Variants in AKR1C8 observed in about 807,000 individuals in gnomAD.
AKR1C8 encodes aldo-keto reductase family 1 member C8.
chr10:5,121,551 C>T, the AKR1C8 span, among the ~76,000 whole-genome samples: 1 of 151,998 alleles, frequency 6.6e-6, no homozygotes, highest in African/African-American at 2.4e-5. Flanking sequence ...AAGGTAATGC[C>T]ACATTAAGGA....
At chr10:5,123,348 A>C in the AKR1C8 span, 1 of 291,262 alleles carries the variant, frequency 3.4e-6, no homozygotes. Flanking sequence ...AGCTGGTAGC[A>C]CAGAGCAATC....
the AKR1C8 span, among the ~76,000 whole-genome samples, chr10:5,137,509 T>C: frequency 6.6e-6 from 1 of 152,134 alleles, no homozygotes; most frequent in Admixed American, 6.5e-5. Flanking sequence ...CACATGATTA[T>C]CTCAATAGAT....
chr10:5,175,036 T>A, the AKR1C8 span, among the ~76,000 whole-genome samples: 28 of 152,066 alleles, frequency 1.8e-4, no homozygotes, highest in Admixed American at 1.4e-3. Flanking sequence ...GTTACATATG[T>A]ATACATGTGC....
the AKR1C8 span, among the ~76,000 whole-genome samples, chr10:5,145,132 GT>G: frequency 6.6e-6 from 1 of 152,046 alleles, no homozygotes; most frequent in Admixed American, 6.6e-5. Context: ...AGATAATCAT[GT>G]GGTTTTTGTC....
At chr10:5,123,845 C>T in the AKR1C8 span, 4 of 1,597,432 alleles carry the variant, frequency 2.5e-6, no homozygotes, top group Non-Finnish European at 3.4e-6. Context: ...GATAGAAAAA[C>T]ATCAGATAAT....
chr10:5,184,640 CG>C, the AKR1C8 span, among the ~76,000 whole-genome samples: 2 of 152,006 alleles, frequency 1.3e-5, no homozygotes, highest in African/African-American at 4.8e-5. Flanking sequence ...ATTTTTAAAA[CG>C]TAACAAATTT....
the AKR1C8 span, among the ~76,000 whole-genome samples, chr10:5,133,165 C>A: frequency 1.3e-5 from 2 of 152,192 alleles, no homozygotes; most frequent in Non-Finnish European, 2.9e-5. Context: ...TCACTGAAAA[C>A]TCTGCCCCTC....
the AKR1C8 span, among the ~76,000 whole-genome samples, chr10:5,175,270 C>A: frequency 6.6e-6 from 1 of 151,944 alleles, no homozygotes; most frequent in African/African-American, 2.4e-5. Context: ...ATGATGATTT[C>A]CAATTTCATC....
chr10:5,155,524 G>A, the AKR1C8 span: 1 of 297,458 alleles, frequency 3.4e-6, no homozygotes, highest in Non-Finnish European at 6.8e-6. Context: ...GAGTCCTGGA[G>A]GAAACCTCTG....
chr10:5,129,492 T>C, the AKR1C8 span, among the ~76,000 whole-genome samples: 21 of 152,100 alleles, frequency 1.4e-4, no homozygotes, highest in East Asian at 4.1e-3. Flanking sequence ...AGCTGGTTCT[T>C]TGATGAGATG....
the AKR1C8 span, among the ~76,000 whole-genome samples, chr10:5,163,542 GAGA>G: frequency 6.6e-6 from 1 of 152,160 alleles, no homozygotes; most frequent in African/African-American, 2.4e-5. Context: ...TGTATTTCAT[GAGA>G]AGCACAATCT....
At chr10:5,150,943 T>C in the AKR1C8 span, among the ~76,000 whole-genome samples, 105 of 152,272 alleles carry the variant, frequency 6.9e-4, 1 homozygote, top group Middle Eastern at 0.031. Flanking sequence ...GAACAGAGTT[T>C]TATTACTACT....
the AKR1C8 span, among the ~76,000 whole-genome samples, chr10:5,157,445 G>A: frequency 6.6e-6 from 1 of 152,222 alleles, no homozygotes; most frequent in Admixed American, 6.5e-5. Context: ...GCAAAGCCAA[G>A]CCTAGAGATG....
the AKR1C8 span, among the ~76,000 whole-genome samples, chr10:5,135,986 T>A: frequency 6.6e-6 from 1 of 152,144 alleles, no homozygotes; most frequent in Non-Finnish European, 1.5e-5. Flanking sequence ...AATTATGACA[T>A]GATGTTTATT....
the AKR1C8 span, among the ~76,000 whole-genome samples, chr10:5,158,383 G>T: frequency 1.3e-5 from 2 of 152,164 alleles, no homozygotes; most frequent in African/African-American, 4.8e-5. Flanking sequence ...TTAGGAGTGG[G>T]GTTGGGAGTA....
chr10:5,164,279 G>C, the AKR1C8 span, among the ~76,000 whole-genome samples: 10 of 152,046 alleles, frequency 6.6e-5, no homozygotes, highest in Non-Finnish European at 1.2e-4. Context: ...GTTCAGAACA[G>C]CCCAGACCCA....
At chr10:5,128,677 A>T in the AKR1C8 span, among the ~76,000 whole-genome samples, 13 of 142,564 alleles carry the variant, frequency 9.1e-5, no homozygotes, top group South Asian at 2.1e-4. Context: ...AACAGCAGTT[A>T]AAAAAAAAGA....
the AKR1C8 span, among the ~76,000 whole-genome samples, chr10:5,175,567 T>G: frequency 0.07 from 10,600 of 152,128 alleles, 420 homozygotes; most frequent in Middle Eastern, 0.092. Flanking sequence ...TTCCACAATG[T>G]TTGAACTAGT....
the AKR1C8 span, among the ~76,000 whole-genome samples, chr10:5,129,723 G>A: frequency 6.6e-6 from 1 of 151,916 alleles, no homozygotes; most frequent in Admixed American, 6.6e-5. Flanking sequence ...AGATCAGGAA[G>A]AAATAGAAAA....
Sources: allele counts gnomAD v4.1 joint callset (sites outside exome capture counted in the v4.1 genomes callset), GRCh38; gene constraint gnomAD v4.1.1; transcripts MANE v1.5; gene names NCBI Gene and HGNC (gene_info 2026-07-23, HGNC 2026-07-21).